CNTN3: variants seen among roughly 807,000 people sequenced by gnomAD.
CNTN3 encodes the protein contactin 3, also known as contactin-3.
CNTN3 carries 60 observed loss-of-function variants against 119.1 expected under a neutral mutation model. That is an observed-to-expected ratio of 0.50 (90% CI 0.41 to 0.62). The LOEUF is 0.62. CNTN3 is among the 20% of genes least tolerant of loss of function. The pLI is 0.00. For synonymous variants in CNTN3, 450 were observed against 438.7 expected (o/e 1.03, Z -0.32); for missense variants, 1,101 against 1,242.4 (o/e 0.89, Z 1.71).
intron 4 of CNTN3, among the ~76,000 whole-genome samples, chr3:74,426,955 C>CAT (rs1206141975): frequency 6.6e-6 from 1 of 152,186 alleles, no homozygotes; most frequent in Non-Finnish European, 1.5e-5. Flanking sequence ...TACAATTTCA[C>CAT]AGTGTGGATG....
At chr3:74,299,018 C>A (rs1189592305) in intron 17 of CNTN3, among the ~76,000 whole-genome samples, 1 of 151,972 alleles carries the variant, frequency 6.6e-6, no homozygotes, top group South Asian at 2.1e-4. Context: ...AGCAGCCTGG[C>A]CAACATAGCA....
chr3:74,349,855 T>C (rs1703774545), intron 11 of CNTN3, among the ~76,000 whole-genome samples: 1 of 152,186 alleles, frequency 6.6e-6, no homozygotes, highest in Non-Finnish European at 1.5e-5. Flanking sequence ...TTACTCCCTG[T>C]AAATAAAACA....
At chr3:74,488,786 T>C (rs1702907791) in intron 3 of CNTN3, among the ~76,000 whole-genome samples, 1 of 152,220 alleles carries the variant, frequency 6.6e-6, no homozygotes. Context: ...GGAGGTTCCA[T>C]TCCAACTCTT....
intron 12 of CNTN3, 93 bp from the exon 13 acceptor site, chr3:74,335,003 T>C: frequency 1.3e-6 from 1 of 792,618 alleles, no homozygotes; most frequent in Non-Finnish European, 2.0e-6. Flanking sequence ...ATACTGTGTA[T>C]GTCTGTAGAT....
intron 5 of CNTN3, among the ~76,000 whole-genome samples, chr3:74,423,870 A>G (rs1278003470): frequency 6.6e-6 from 1 of 152,198 alleles, no homozygotes; most frequent in Non-Finnish European, 1.5e-5. Flanking sequence ...GATGGGAGAT[A>G]TCTGTTTTAT....
chr3:74,379,136 T>C (rs2106806142), intron 5 of CNTN3, among the ~76,000 whole-genome samples: 1 of 152,260 alleles, frequency 6.6e-6, no homozygotes. Flanking sequence ...GACTCTACAA[T>C]ATATTGTCAC....
At chr3:74,538,813 A>T (rs1459336408) in intron 1 of CNTN3, among the ~76,000 whole-genome samples, 2 of 152,088 alleles carry the variant, frequency 1.3e-5, no homozygotes, top group African/African-American at 4.8e-5. Flanking sequence ...GAAAGCCAAG[A>T]AATTGCTGAA....
chr3:74,347,860 G>C (rs1703729504), intron 11 of CNTN3, among the ~76,000 whole-genome samples: 1 of 152,144 alleles, frequency 6.6e-6, no homozygotes, highest in South Asian at 2.1e-4. Flanking sequence ...TATGTAAACA[G>C]AATATTATTC....
chr3:74,599,880 T>C (rs952168638), intron 1 of CNTN3, among the ~76,000 whole-genome samples: 12 of 152,066 alleles, frequency 7.9e-5, no homozygotes, highest in Admixed American at 6.6e-5. Flanking sequence ...TCTAGATCTT[T>C]ACATAATGCT....
chr3:74,360,319 G>C (rs928144537), intron 11 of CNTN3, among the ~76,000 whole-genome samples: 2 of 152,056 alleles, frequency 1.3e-5, no homozygotes, highest in African/African-American at 4.8e-5. Flanking sequence ...TTCAATGGCT[G>C]AGACCACCTC....
intron 1 of CNTN3, among the ~76,000 whole-genome samples, chr3:74,586,332 T>C (rs1704591682): frequency 6.6e-6 from 1 of 152,134 alleles, no homozygotes; most frequent in Non-Finnish European, 1.5e-5. Context: ...GGGAAAATGC[T>C]AAAATATACA....
At position 74,430,835 on chromosome 3, in the gene CNTN3, T is replaced by TA. The variant is rs540328300; in HGVS notation, c.359-5896dup. Among the ~76,000 whole-genome samples the TA allele has an allele frequency of 6.8e-4, 103 of 152,242 alleles. 1 individual carries two copies. Among genetic ancestry groups the TA allele is most frequent in the African/African-American group, 2.4e-3 (98 of 41,550 alleles). Reference sequence around the variant, plus strand: ...AAAATAATAAGCAAGCAAGCAAAGATAAAGTCCAGTTCCTCATATTTCCTT... The same window carrying TA: ...AAAATAATAAGCAAGCAAGCAAAGATAAAAGTCCAGTTCCTCATATTTCCTT... On this transcript the variant is annotated intron_variant, in intron 4 of 22. Transcript: ENST00000263665.
At chr3:74,548,173 T>G (rs1703940690) in intron 1 of CNTN3, among the ~76,000 whole-genome samples, 1 of 152,182 alleles carries the variant, frequency 6.6e-6, no homozygotes, top group Admixed American at 6.5e-5. Flanking sequence ...TCAGATGGAT[T>G]TGGTTACACC....
At chr3:74,391,170 T>C (rs1166447933) in intron 5 of CNTN3, among the ~76,000 whole-genome samples, 1 of 152,224 alleles carries the variant, frequency 6.6e-6, no homozygotes, top group African/African-American at 2.4e-5. Flanking sequence ...GGATCATCTA[T>C]GCTTTCTCTT....
At chr3:74,594,948 T>C (rs1252461161) in intron 1 of CNTN3, among the ~76,000 whole-genome samples, 4 of 152,154 alleles carry the variant, frequency 2.6e-5, no homozygotes, top group Admixed American at 2.0e-4. Context: ...CCACATCCTC[T>C]CCAGCACCTG....
At chr3:74,382,354 C>T (rs1461276087) in intron 5 of CNTN3, among the ~76,000 whole-genome samples, 1 of 152,158 alleles carries the variant, frequency 6.6e-6, no homozygotes, top group East Asian at 1.9e-4. Context: ...AGCTCACATA[C>T]TTATCCTTAT....
chr3:74,469,094 T>C (rs1702514936), intron 4 of CNTN3, among the ~76,000 whole-genome samples: 1 of 152,186 alleles, frequency 6.6e-6, no homozygotes, highest in Non-Finnish European at 1.5e-5. Flanking sequence ...ATAGCATAAA[T>C]TCTAATCTTA....
chr3:74,313,507 A>T (rs899773734), intron 13 of CNTN3, among the ~76,000 whole-genome samples: 2 of 152,232 alleles, frequency 1.3e-5, no homozygotes, highest in African/African-American at 4.8e-5. Flanking sequence ...GAGGTGTGGA[A>T]GCCATAGACT....
At chr3:74,455,678 T>G (rs538424507) in intron 4 of CNTN3, among the ~76,000 whole-genome samples, 9 of 152,214 alleles carry the variant, frequency 5.9e-5, no homozygotes, top group African/African-American at 1.9e-4. Context: ...ATGTTTTTTT[T>G]GGTGTGGATG....
Sources: gnomAD v4.1 joint callset for allele counts (sites outside exome capture counted in the v4.1 genomes callset) on GRCh38, gnomAD v4.1.1 for gene constraint, MANE v1.5 for transcripts, NCBI Gene and HGNC (gene_info 2026-07-23, HGNC 2026-07-21) for gene names.